SMC1B: variants seen among roughly 807,000 people sequenced by gnomAD.
The protein encoded by SMC1B is structural maintenance of chromosomes 1B.
Under a neutral mutation model 157.9 loss-of-function variants are expected in SMC1B, and 60 were observed. The ratio of observed to expected loss-of-function variants is 0.38; its 90% confidence interval spans 0.31 to 0.47. SMC1B has a LOEUF of 0.47. Ranked by LOEUF, SMC1B falls within the 20% of genes least tolerant of loss-of-function variation. The pLI, the probability that SMC1B is intolerant of heterozygous loss-of-function variation, is 0.99. For synonymous variants in SMC1B, 445 were observed against 483.0 expected (o/e 0.92, Z 1.03); for missense variants, 1,165 against 1,426.2 (o/e 0.82, Z 2.95).
At chr22:45,377,513 C>T (rs2086894432) in intron 12 of SMC1B, among the ~76,000 whole-genome samples, 1 of 151,868 alleles carries the variant, frequency 6.6e-6, no homozygotes, top group Non-Finnish European at 1.5e-5. Context: ...TGGTGTGTGC[C>T]TGTAATCCCA....
chr22:45,399,747 GGAAGGAAAACAT>G (rs1446990605), intron 5 of SMC1B, among the ~76,000 whole-genome samples: 1 of 152,180 alleles, frequency 6.6e-6, no homozygotes, highest in African/African-American at 2.4e-5. Context: ...CTGAAGGGGT[GGAAGGAAAACAT>G]GCTGACCTAA....
At chr22:45,352,924 A>G (rs2086628850) in intron 21 of SMC1B, among the ~76,000 whole-genome samples, 1 of 152,198 alleles carries the variant, frequency 6.6e-6, no homozygotes, top group Non-Finnish European at 1.5e-5. Context: ...TTCATCAAAC[A>G]TGTACTGAAT....
chr22:45,409,888 T>A (rs2087311520), intron 1 of SMC1B, among the ~76,000 whole-genome samples: 1 of 152,240 alleles, frequency 6.6e-6, no homozygotes, highest in African/African-American at 2.4e-5. Flanking sequence ...TCTGGAATAT[T>A]ATTTTATAAT....
intron 12 of SMC1B, among the ~76,000 whole-genome samples, chr22:45,377,904 A>G (rs1450360134): frequency 1.3e-5 from 2 of 151,758 alleles, no homozygotes; most frequent in African/African-American, 4.8e-5. Context: ...GTTAAAGTGC[A>G]GTGGCATAAT....
In SMC1B at chr22:45,353,935, AAC is replaced by A. The variant is rs770396861; in HGVS notation, c.3273+41_3273+42del. 1.1e-5 allele frequency: 12 copies of A among 1,081,128 alleles called. No homozygotes were observed. The South Asian group carries it at 1.8e-4, about 16-fold the overall frequency. 67.0% of individuals were successfully genotyped at this position (1,081,128 alleles called of 1,614,324 possible). A position where few individuals can be genotyped will look rare whatever the true frequency, so the allele number is the denominator to read the frequency against. On this transcript the variant is annotated intron_variant, in intron 21 of 24. Transcript: ENST00000357450. ...AAAAAAAAAAACAACCACCACCGGT[AAC>A]ACAGAATTCTCACTAGTATTTGAGG...
At chr22:45,368,657 C>T (rs936084198) in intron 15 of SMC1B, among the ~76,000 whole-genome samples, 1 of 151,968 alleles carries the variant, frequency 6.6e-6, no homozygotes, top group Non-Finnish European at 1.5e-5. Context: ...GCTGGGATTA[C>T]AGGCACCCAC....
At position 45,353,925 on chromosome 22, in the gene SMC1B, C is replaced by T. The variant is rs1307750451; in HGVS notation, c.3273+53G>A. 2.0e-5 allele frequency: 6 copies of T among 303,276 alleles called. No individual in the cohort carries two copies. In the East Asian group the frequency reaches 3.8e-4, roughly 19 times the overall value. 18.8% of individuals were successfully genotyped at this position (303,276 alleles called of 1,614,324 possible). A position where few individuals can be genotyped will look rare whatever the true frequency, so the allele number is the denominator to read the frequency against. On this transcript the variant is annotated intron_variant, in intron 21 of 24. Transcript: ENST00000357450. ...AAAAAAAAAAAAAAAAAAAAACAACCACCACCGGTAACACAGAATTCTCAC... is the reference window on the plus strand; with the variant it reads ...AAAAAAAAAAAAAAAAAAAAACAACTACCACCGGTAACACAGAATTCTCAC...
rs747335317 is a variant in SMC1B at position 45,399,211 on chromosome 22, T to C, written c.997A>G (p.Ile333Val). The change falls in exon 6 of 25, where the codon ATA (isoleucine) becomes GTA (valine). Residue 333 changes from isoleucine (I) to valine (V), a missense_variant. Ile to Val is a conservative substitution (Grantham distance 29, BLOSUM62 3). Coordinates refer to ENST00000357450, the MANE Select transcript of SMC1B (RefSeq NM_148674.5). The stretch of plus-strand genomic sequence containing the variant: ...GCCAGCTCTGTCTCCAGGGCTTTTA[T>C]ATCATCTTCCTGTTTAGAACATTGT... The part of the protein sequence containing the change: ...EKQCSKQEDD[I>V]KALETELADL... The C allele has an allele frequency of 1.2e-6, 2 of 1,614,170 alleles. No individual in the cohort carries two copies. Among genetic ancestry groups the C allele is most frequent in the Non-Finnish European group, 1.7e-6 (2 of 1,180,006 alleles).
intron 1 of SMC1B, 23 bp from the exon 2 acceptor site, chr22:45,408,921 CATT>C (rs2087296159): frequency 3.6e-6 from 5 of 1,395,016 alleles, no homozygotes; most frequent in Middle Eastern, 1.9e-4. Flanking sequence ...AGAGATAAAA[CATT>C]ATTCATTCTT....
chr22:45,392,201 G>C (rs993567572), intron 9 of SMC1B, among the ~76,000 whole-genome samples: 1 of 151,882 alleles, frequency 6.6e-6, no homozygotes, highest in Admixed American at 6.6e-5. Context: ...CATCCACTTC[G>C]GCCTCCCAAA....
intron 12 of SMC1B, 63 bp downstream of exon 12, chr22:45,383,404 C>T: frequency 1.6e-6 from 2 of 1,281,468 alleles, no homozygotes; most frequent in East Asian, 2.6e-5. Flanking sequence ...ATAAAAAACC[C>T]ACCTAGTTTA....
intron 12 of SMC1B, among the ~76,000 whole-genome samples, chr22:45,380,873 C>T (rs970116018): frequency 1.3e-5 from 2 of 152,060 alleles, no homozygotes; most frequent in African/African-American, 4.8e-5. Flanking sequence ...TTACACTGAG[C>T]TATGATGGCA....
chr22:45,376,916 C>A (rs552737224), intron 12 of SMC1B, among the ~76,000 whole-genome samples: 2 of 152,204 alleles, frequency 1.3e-5, no homozygotes, highest in East Asian at 3.9e-4. Flanking sequence ...TCTCACTGGC[C>A]AAAACTTGTC....
Position 45,359,820 on chromosome 22 carries a change from G to A in SMC1B, c.2847C>T (p.Asp949=), listed in dbSNP as rs747915950. ...EIILLSGSLD[D]IIEVEMGTEA... is the part of the protein sequence containing the mutation. The stretch of plus-strand genomic sequence containing the variant: ...GCTAGAATACCTCCACTTCAATGAT[G>A]TCATCCAGTGACCCCGACAAAAGGA... The change falls in exon 18 of 25, where the codon GAC becomes GAT. Residue 949 remains aspartate, a synonymous_variant. Transcript: ENST00000357450. 6.2e-7 allele frequency: 1 copy of A among 1,613,150 alleles called. No homozygotes were observed. Among genetic ancestry groups the A allele is most frequent in the East Asian group, 2.2e-5 (1 of 44,862 alleles).
At chr22:45,402,212 C>T (rs923319675) in intron 5 of SMC1B, 121 bp downstream of exon 5, 3 of 752,280 alleles carry the variant, frequency 4.0e-6, no homozygotes, top group Non-Finnish European at 6.6e-6. Context: ...TTCTGTATAT[C>T]TAAAAGTATT....
At chr22:45,385,547 T>G (rs2086981636) in intron 11 of SMC1B, among the ~76,000 whole-genome samples, 1 of 152,106 alleles carries the variant, frequency 6.6e-6, no homozygotes, top group Non-Finnish European at 1.5e-5. Flanking sequence ...TTTGAAATAC[T>G]GATAAAAATA....
intron 19 of SMC1B, 140 bp from the exon 20 acceptor site, chr22:45,355,255 G>T (rs2086658602): frequency 1.3e-6 from 1 of 760,410 alleles, no homozygotes; most frequent in African/African-American, 1.7e-5. Context: ...CTCTGAGCCT[G>T]GAGGTGCAGT....
intron 9 of SMC1B, among the ~76,000 whole-genome samples, chr22:45,391,958 T>C (rs985785775): frequency 6.6e-6 from 1 of 152,074 alleles, no homozygotes; most frequent in African/African-American, 2.4e-5. Context: ...ACCAGTGTTT[T>C]TTTGTTTTTG....
chr22:45,389,451 A>G (rs1289116953), intron 10 of SMC1B, among the ~76,000 whole-genome samples: 1 of 152,234 alleles, frequency 6.6e-6, no homozygotes, highest in East Asian at 1.9e-4. Flanking sequence ...AGAGTGGTGC[A>G]CTGCTAGTGC....
Sources: allele counts gnomAD v4.1 joint callset (sites outside exome capture counted in the v4.1 genomes callset), GRCh38; gene constraint gnomAD v4.1.1; transcripts MANE v1.5; gene names NCBI Gene and HGNC (gene_info 2026-07-23, HGNC 2026-07-21).